Variants in TTN observed in about 807,000 individuals in gnomAD.
TTN encodes the protein connectin.
Under a neutral mutation model 3,223.0 loss-of-function variants are expected in TTN, and 1,525 were observed. That is an observed-to-expected ratio of 0.47 (90% CI 0.45 to 0.49). TTN has a LOEUF of 0.49. Among genes scored for constraint, TTN ranks in the 20% least tolerant of loss-of-function variants. TTN has a pLI of 0.00. For missense variants in TTN, 40,786 were observed against 43,424.0 expected (o/e 0.94, Z 5.40); for synonymous variants, 14,094 against 15,161.0 (o/e 0.93, Z 5.17).
intron 102 of TTN, 125 bp downstream of exon 102, chr2:178,706,329 T>C (rs553694790): frequency 3.1e-6 from 3 of 979,324 alleles, no homozygotes; most frequent in African/African-American, 3.3e-5. Flanking sequence ...TTATGCTGTA[T>C]TGTTTATTTG....
At position 178,584,308 on chromosome 2, in the gene TTN, G is replaced by A. The variant is rs1419714561; in HGVS notation, c.65243C>T (p.Pro21748Leu). 4 of 1,595,240 alleles carry A rather than the reference G, an allele frequency of 2.5e-6. No individual in the cohort carries two copies. In the Admixed American group the frequency reaches 6.8e-5, roughly 27 times the overall value. ...CATTCTTGCAGTTACATATTCTGTG[G>A]GTTTGCTGGGTGGGCTGGATCCAGC... ...NKAGSSPPSK[P>L]TEYVTARMPV... Residue 21748 changes from proline (P) to leucine (L), a missense_variant, in exon 311 of 363, where the codon CCC (proline) becomes CTC (leucine). Coordinates refer to ENST00000589042, the MANE Select transcript of TTN (RefSeq NM_001267550.2).
chr2:178,614,925 G>A lies in TTN; in HGVS notation c.48682C>T (p.Arg16228Cys), dbSNP rs371305932. The change falls in exon 260 of 363, where the codon CGC becomes TGC. Residue 16228 changes from arginine (R) to cysteine (C), a missense_variant. By Grantham distance (180) the Arg-to-Cys change is radical. Transcript: ENST00000589042. Reference sequence around the variant, plus strand: ...CCCTGCCTGTTTAAGGCCTTCACGCGGTAGGCATACCATTTGCCTTCCTCA... The same window carrying A: ...CCCTGCCTGTTTAAGGCCTTCACGCAGTAGGCATACCATTTGCCTTCCTCA... Reference protein sequence around the residue: ...GLEEGKWYAYRVKALNRQGAS... With the variant: ...GLEEGKWYAYCVKALNRQGAS... 52 of 1,593,318 alleles carry A rather than the reference G, an allele frequency of 3.3e-5. No homozygotes were observed. Among genetic ancestry groups the A allele is most frequent in the East Asian group, 4.5e-5 (2 of 43,960 alleles).
chr2:178,615,606 A>C, intron 258 of TTN, 35 bp downstream of exon 258: 1 of 1,610,552 alleles, frequency 6.2e-7, no homozygotes, highest in African/African-American at 1.3e-5. Flanking sequence ...AACAGGCAAC[A>C]AGATTAGGTA....
chr2:178,747,333 C>T (rs761126478), intron 47 of TTN: 2 of 1,613,322 alleles, frequency 1.2e-6, no homozygotes, highest in Non-Finnish European at 1.7e-6. Context: ...TCAACTGTCT[C>T]ACCTCCTGAA....
At position 178,574,687 on chromosome 2, in the gene TTN, T is replaced by C. The variant is rs1369570883; in HGVS notation, c.71445A>G (p.Ser23815=). 1.2e-6 allele frequency: 2 copies of C among 1,613,342 alleles called. No individual in the cohort carries two copies. Among genetic ancestry groups the C allele is most frequent in the South Asian group, 2.2e-5 (2 of 91,000 alleles). ...ATGGATAGTTGGCAACTATGCATGC[T>C]GATGTGATGCCTGGTCCAACTCCAT... ...NRYGVGPGIT[S]ACIVANYPFK... is the part of the protein sequence containing the mutation. Residue 23815 remains serine, a synonymous_variant, in exon 326 of 363, where the codon TCA becomes TCG. Coordinates refer to ENST00000589042, the MANE Select transcript of TTN (RefSeq NM_001267550.2).
intron 65 of TTN, 42 bp downstream of exon 65, chr2:178,728,849 C>A: frequency 6.4e-7 from 1 of 1,571,836 alleles, no homozygotes; most frequent in Non-Finnish European, 8.6e-7. Flanking sequence ...GCTAATGAAA[C>A]TGTCGCTATA....
intron 102 of TTN, 50 bp downstream of exon 102, chr2:178,706,404 C>T (rs1018975926): frequency 2.0e-6 from 3 of 1,530,582 alleles, no homozygotes; most frequent in African/African-American, 1.4e-5. Context: ...ATGCGGAACC[C>T]ACTTATATGG....
Position 178,537,581 on chromosome 2 carries a change from G to T in TTN, c.99626C>A (p.Ala33209Asp). ...ATGAAGCCGAAGTGTGGAACCCACA[G>T]CTCCATAATATTTCTCTTTCAGTGG... ...GYPLKEKYYG[A>D]VGSTLRLHVM... is the part of the protein sequence containing the mutation. The change falls in exon 355 of 363, where the codon GCT (alanine) becomes GAT (aspartate). Residue 33209 changes from alanine (A) to aspartate (D), a missense_variant. Coordinates refer to ENST00000589042, the MANE Select transcript of TTN (RefSeq NM_001267550.2). The T allele has an allele frequency of 6.2e-7, 1 of 1,613,756 alleles. No homozygotes were observed. Among genetic ancestry groups the T allele is most frequent in the Non-Finnish European group, 8.5e-7 (1 of 1,179,746 alleles).
chr2:178,756,147 G>T, intron 46 of TTN, 75 bp downstream of exon 46: 3 of 1,115,786 alleles, frequency 2.7e-6, no homozygotes, highest in Non-Finnish European at 2.6e-6. Flanking sequence ...TTCGTCGATT[G>T]AATTTGCATG....
At position 178,709,870 on chromosome 2, in the gene TTN, C is replaced by T. The variant is rs200917885; in HGVS notation, c.28463-14G>A. On this transcript the variant is annotated splice_polypyrimidine_tract_variant and intron_variant, in intron 98 of 362. Coordinates refer to ENST00000589042, the MANE Select transcript of TTN (RefSeq NM_001267550.2). ...GGATGAGCCGCTCTATAAGAAATTG[C>T]AAGGATATATGAAGTAGAAGCTAGA... 496 of 1,601,952 alleles carry T rather than the reference C, an allele frequency of 3.1e-4. 1 individual carries two copies. The highest frequency in any genetic ancestry group is 5.8e-5 in the Non-Finnish European group (68 of 1,173,320).
In TTN at chr2:178,728,941, G is replaced by C; in HGVS notation, c.19097C>G (p.Ala6366Gly). ...NGHSGRYTCQ[A>G]KNESGVERCY... ...CCTCTCAACTCCTGACTCATTCTTG[G>C]CTTGACAGGTATATCTCCCACTGTG... Residue 6366 changes from alanine to glycine, a missense_variant, in exon 65 of 363, where the codon GCC becomes GGC. Physicochemically the swap from Ala to Gly is moderately conservative, Grantham distance 60. Coordinates refer to ENST00000589042, the MANE Select transcript of TTN (RefSeq NM_001267550.2). 6.2e-7 allele frequency: 1 copy of C among 1,611,924 alleles called. No individual in the cohort carries two copies. Among genetic ancestry groups the C allele is most frequent in the Non-Finnish European group, 8.5e-7 (1 of 1,178,912 alleles).
At chr2:178,750,844 G>A in intron 47 of TTN, 1 of 1,613,044 alleles carries the variant, frequency 6.2e-7, no homozygotes. Context: ...TGATATATGT[G>A]GATGACTCTC....
chr2:178,693,562 A>G (rs144632964), intron 119 of TTN, 47 bp downstream of exon 119: 346 of 1,320,990 alleles, frequency 2.6e-4, no homozygotes, highest in African/African-American at 1.9e-3. Flanking sequence ...TGGTATTTGT[A>G]CTAATTTTTA....
chr2:178,710,382 G>T (rs1317847025), intron 98 of TTN, among the ~76,000 whole-genome samples: 1 of 152,152 alleles, frequency 6.6e-6, no homozygotes, highest in African/African-American at 2.4e-5. Flanking sequence ...AGGAGGCAGA[G>T]GTTGCAGTGA....
intron 47 of TTN, chr2:178,746,703 T>C (rs2083667795): frequency 1.2e-6 from 2 of 1,613,466 alleles, no homozygotes; most frequent in African/African-American, 2.7e-5. Flanking sequence ...TTACCCACTC[T>C]TTCCATTTTG....
Position 178,604,696 on chromosome 2 carries a change from A to T in TTN, c.54381+12T>A. ...TTTTAATGTGTATAAGAAAATATTCAGAAGAGTTTACCCCATATCTTTTCT... is the reference window on the plus strand; with the variant it reads ...TTTTAATGTGTATAAGAAAATATTCTGAAGAGTTTACCCCATATCTTTTCT... On this transcript the variant is annotated intron_variant, in intron 281 of 362. Coordinates refer to ENST00000589042, the MANE Select transcript of TTN (RefSeq NM_001267550.2). 1 of 1,587,328 alleles carries T rather than the reference A, an allele frequency of 6.3e-7. No individual in the cohort carries two copies. Among genetic ancestry groups the T allele is most frequent in the Non-Finnish European group, 8.6e-7 (1 of 1,167,688 alleles).
rs776484491 is a variant in TTN, at chr2:178,580,337, C to T, written c.67042G>A (p.Val22348Ile). ...ATAGACTTACCAAGCACTTTCACAA[C>T]AATGGTATATTCCTTTTTACCACAG... ...NSCGKKEYTI[V>I]VKVLDTPGPP... Residue 22348 changes from valine to isoleucine, a missense_variant, in exon 317 of 363, where the codon GTT becomes ATT. Transcript: ENST00000589042. 1.9e-6 allele frequency: 3 copies of T among 1,612,760 alleles called. No individual in the cohort carries two copies. Among genetic ancestry groups the T allele is most frequent in the Non-Finnish European group, 2.5e-6 (3 of 1,179,370 alleles).
In TTN at chr2:178,591,891, A is replaced by T. The variant is rs1295469348; in HGVS notation, c.59928T>A (p.His19976Gln). 1.9e-6 allele frequency: 3 copies of T among 1,606,566 alleles called. No individual in the cohort carries two copies. Among genetic ancestry groups the T allele is most frequent in the Non-Finnish European group, 2.5e-6 (3 of 1,177,940 alleles). ...PKPIKALDPL[H>Q]PPGPPKDLHH... is the part of the protein sequence containing the mutation. ...GCAGGTCCTTGGGTGGCCCTGGGGG[A>T]TCTTTTCAAAGAAGAAGTTATGATG... Residue 19976 changes from histidine (H) to glutamine (Q), a missense_variant and splice_region_variant, in exon 303 of 363, where the codon CAT becomes CAA. Physicochemically the swap from His to Gln is conservative, Grantham distance 24. Transcript: ENST00000589042.
In TTN at chr2:178,699,386, T is replaced by C. The variant is rs974092819; in HGVS notation, c.30683-472A>G. Among the ~76,000 whole-genome samples, 3 of 6,942 alleles carry C rather than the reference T, an allele frequency of 4.3e-4. No homozygotes were observed. The Admixed American group carries it at 6.0e-3, about 14-fold the overall frequency. The allele number at this position is 6,942 out of a possible 152,430, so 4.6% of individuals were successfully genotyped here. The stretch of plus-strand genomic sequence containing the variant: ...GTATTCATGAATAAATAACACTCTT[T>C]TTTTTTTTTTTTTTTTTTTTTTTTT... On this transcript the variant is annotated intron_variant, in intron 111 of 362. Coordinates refer to ENST00000589042, the MANE Select transcript of TTN (RefSeq NM_001267550.2).
Sources: allele counts gnomAD v4.1 joint callset (sites outside exome capture counted in the v4.1 genomes callset), GRCh38; gene constraint gnomAD v4.1.1; transcripts MANE v1.5; gene names NCBI Gene and HGNC (gene_info 2026-07-23, HGNC 2026-07-21).